GALNT13: variants seen among roughly 807,000 people sequenced by gnomAD.
The protein encoded by GALNT13 is UDP-GalNAc:polypeptide N-acetylgalactosaminyltransferase 13.
GALNT13 carries 28 observed loss-of-function variants against 64.2 expected under a neutral mutation model. That is an observed-to-expected ratio of 0.44 (90% confidence interval 0.32 to 0.60). The LOEUF is 0.60. Among genes scored for constraint, GALNT13 ranks in the 20% least tolerant of loss-of-function variants. The pLI, the probability that GALNT13 is intolerant of heterozygous loss-of-function variation, is 0.05. For missense variants in GALNT13, 577 were observed against 669.8 expected, an observed-to-expected ratio of 0.86 and a Z score of 1.53; for synonymous variants, 214 against 224.6, an observed-to-expected ratio of 0.95 and a Z score of 0.42.
intron 3 of GALNT13, among the ~76,000 whole-genome samples, chr2:154,029,008 G>A (rs993966156): frequency 1.3e-5 from 2 of 151,960 alleles, no homozygotes; most frequent in African/African-American, 2.4e-5. Context: ...ATAGCAGTAA[G>A]AATTTAGCTG....
At chr2:153,389,423 T>C in the GALNT13 span, among the ~76,000 whole-genome samples, 1 of 152,028 alleles carries the variant, frequency 6.6e-6, no homozygotes, top group African/African-American at 2.4e-5. Flanking sequence ...AAAGGCTTCA[T>C]GGACAGGCCC....
At chr2:153,205,588 A>G in the GALNT13 span, among the ~76,000 whole-genome samples, 1 of 152,100 alleles carries the variant, frequency 6.6e-6, no homozygotes, top group African/African-American at 2.4e-5. Flanking sequence ...ATTAAACCCA[A>G]TAAATTCAAC....
chr2:153,305,104 T>C, the GALNT13 span, among the ~76,000 whole-genome samples: 1 of 152,148 alleles, frequency 6.6e-6, no homozygotes, highest in Admixed American at 6.5e-5. Flanking sequence ...CTTGGAATAG[T>C]AGGAGAGTAA....
the GALNT13 span, among the ~76,000 whole-genome samples, chr2:153,780,031 G>A: frequency 6.6e-6 from 1 of 151,646 alleles, no homozygotes; most frequent in Admixed American, 6.6e-5. Context: ...CACCATCAGA[G>A]TCAATAATAG....
At chr2:153,282,878 A>T in the GALNT13 span, among the ~76,000 whole-genome samples, 25 of 151,648 alleles carry the variant, frequency 1.6e-4, no homozygotes, top group Admixed American at 3.9e-4. Flanking sequence ...CCCTTCTTAG[A>T]TGGTGTGACT....
At chr2:154,246,006 G>A in intron 7 of GALNT13, 24 bp downstream of exon 7, 1 of 1,536,606 alleles carries the variant, frequency 6.5e-7, no homozygotes, top group Non-Finnish European at 9.0e-7. Context: ...ATCTCTTGAA[G>A]ATTATGTATA....
intron 4 of GALNT13, among the ~76,000 whole-genome samples, chr2:154,219,095 A>C (rs1019981652): frequency 3.9e-5 from 6 of 152,074 alleles, no homozygotes; most frequent in Non-Finnish European, 5.9e-5. Context: ...AGAATCTAAT[A>C]TCTCTTAAAT....
At chr2:153,079,787 C>T in the GALNT13 span, among the ~76,000 whole-genome samples, 6 of 152,036 alleles carry the variant, frequency 3.9e-5, no homozygotes, top group African/African-American at 1.4e-4. Context: ...AGTGTGAGAA[C>T]CTAAAAAAGG....
chr2:153,176,642 T>G, the GALNT13 span, among the ~76,000 whole-genome samples: 1 of 151,734 alleles, frequency 6.6e-6, no homozygotes, highest in Admixed American at 6.6e-5. Flanking sequence ...AATTATCTAT[T>G]TAGATCCTTA....
chr2:153,155,549 C>G, the GALNT13 span, among the ~76,000 whole-genome samples: 1 of 152,074 alleles, frequency 6.6e-6, no homozygotes. Context: ...ATTTGTATTT[C>G]TGTGGGGTCA....
At chr2:153,959,826 G>A (rs1692816072) in intron 3 of GALNT13, among the ~76,000 whole-genome samples, 3 of 152,128 alleles carry the variant, frequency 2.0e-5, no homozygotes, top group Admixed American at 2.0e-4. Context: ...CACTATGGCT[G>A]CCCCCCACCA....
At chr2:153,499,675 G>T in the GALNT13 span, among the ~76,000 whole-genome samples, 2 of 152,378 alleles carry the variant, frequency 1.3e-5, no homozygotes, top group African/African-American at 2.4e-5. Context: ...AGGGGGCTGA[G>T]GGGGCAGGGG....
intron 9 of GALNT13, among the ~76,000 whole-genome samples, chr2:154,362,114 G>A (rs1697103834): frequency 2.3e-5 from 2 of 87,362 alleles, no homozygotes; most frequent in Non-Finnish European, 5.4e-5. Context: ...AAACAACTGA[G>A]TGTCCACAGG....
chr2:153,607,412 T>C, the GALNT13 span, among the ~76,000 whole-genome samples: 1 of 152,150 alleles, frequency 6.6e-6, no homozygotes, highest in Non-Finnish European at 1.5e-5. Context: ...TTTCTAAATA[T>C]GTTATCAGAG....
At chr2:153,974,295 A>C (rs758190668) in intron 3 of GALNT13, among the ~76,000 whole-genome samples, 16 of 152,126 alleles carry the variant, frequency 1.1e-4, no homozygotes, top group Non-Finnish European at 2.4e-4. Context: ...TATTTGCTGT[A>C]TAGTGGTTAA....
intron 2 of GALNT13, among the ~76,000 whole-genome samples, chr2:153,938,085 A>G (rs1021524072): frequency 2.0e-5 from 3 of 152,198 alleles, no homozygotes; most frequent in African/African-American, 7.2e-5. Context: ...ATCTTTGCAT[A>G]TTGGTAATAA....
chr2:153,290,221 T>C, the GALNT13 span, among the ~76,000 whole-genome samples: 1 of 152,128 alleles, frequency 6.6e-6, no homozygotes, highest in Non-Finnish European at 1.5e-5. Context: ...TATTTTTTAT[T>C]ATTGATAGTA....
chr2:154,283,507 C>G (rs528432031), intron 8 of GALNT13, among the ~76,000 whole-genome samples: 3 of 150,008 alleles, frequency 2.0e-5, no homozygotes, highest in African/African-American at 4.9e-5. Flanking sequence ...GATTTTTTTA[C>G]TATATATAAA....
intron 3 of GALNT13, among the ~76,000 whole-genome samples, chr2:154,106,425 G>A (rs879654898): frequency 6.6e-6 from 1 of 151,960 alleles, no homozygotes; most frequent in East Asian, 1.9e-4. Context: ...AGCACCATTT[G>A]TGAAATGACT....
Sources: allele counts gnomAD v4.1 joint callset (sites outside exome capture counted in the v4.1 genomes callset), GRCh38; gene constraint gnomAD v4.1.1; transcripts MANE v1.5; gene names NCBI Gene and HGNC (gene_info 2026-07-23, HGNC 2026-07-21).